Variants in MAT2B observed in about 807,000 individuals in gnomAD.
The protein encoded by MAT2B is methionine adenosyltransferase 2 non-catalytic beta subunit.
Under a neutral mutation model 36.1 loss-of-function variants are expected in MAT2B, and 16 were observed. The ratio of observed to expected loss-of-function variants is 0.44; its 90% CI spans 0.30 to 0.67. The LOEUF (loss-of-function observed/expected upper bound fraction) is 0.67. Among genes scored for constraint, MAT2B ranks in the 30% least tolerant of loss-of-function variants. MAT2B has a pLI of 0.09. For missense variants in MAT2B, 332 were observed against 398.2 expected (o/e 0.83, Z 1.42); for synonymous variants, 148 against 136.9 (o/e 1.08, Z -0.57).
At chr5:163,515,463 CTTTT>C (rs985364103) in intron 4 of MAT2B, among the ~76,000 whole-genome samples, 2 of 152,100 alleles carry the variant, frequency 1.3e-5, no homozygotes, top group Admixed American at 1.3e-4. Flanking sequence ...CTTTACCTTT[CTTTT>C]ATCTTCTAAC....
intron 1 of MAT2B, among the ~76,000 whole-genome samples, chr5:163,506,426 C>T (rs2113548803): frequency 6.6e-6 from 1 of 152,184 alleles, no homozygotes; most frequent in East Asian, 1.9e-4. Context: ...ATTGGAAGAT[C>T]CATCTCTGGT....
chr5:163,505,630 C>A lies in MAT2B; in HGVS notation c.-57C>A. ...AGGGCGTCTGAGCTGAGGCCCGCGT[C>A]GATCCTGGGTTGGAGGAGGTGGCGG... is the stretch of plus-strand genomic sequence containing the variant. On this transcript the variant is annotated 5_prime_UTR_variant, in exon 1 of 7. Coordinates refer to ENST00000321757, the MANE Select transcript of MAT2B (RefSeq NM_013283.5). 1 of 1,252,682 alleles carries A rather than the reference C, an allele frequency of 8.0e-7. No individual in the cohort carries two copies. Among genetic ancestry groups the A allele is most frequent in the Non-Finnish European group, 1.0e-6 (1 of 990,254 alleles). The allele number at this position is 1,252,682 out of a possible 1,614,324, so 77.6% of individuals were successfully genotyped here. A position where few individuals can be genotyped will look rare whatever the true frequency, so the allele number is the denominator to read the frequency against.
chr5:163,517,904 A>G, intron 6 of MAT2B: 1 of 486,788 alleles, frequency 2.1e-6, no homozygotes, highest in Non-Finnish European at 3.6e-6. Flanking sequence ...TTATTTTTCC[A>G]GGGATGATCA....
chr5:163,507,620 C>A (rs1215871088), intron 1 of MAT2B, among the ~76,000 whole-genome samples: 1 of 152,190 alleles, frequency 6.6e-6, no homozygotes, highest in Non-Finnish European at 1.5e-5. Context: ...TTTATTCTTT[C>A]ATTCTGACTT....
upstream of MAT2B, chr5:163,503,338 A>T (rs1759878034): frequency 1.9e-6 from 3 of 1,554,204 alleles, no homozygotes; most frequent in Admixed American, 3.4e-5. Context: ...ACCCAGCAAG[A>T]GAAGGCAGAG....
At chr5:163,503,416 A>T, upstream of MAT2B, 1 of 1,614,024 alleles carries the variant, frequency 6.2e-7, no homozygotes, top group Non-Finnish European at 8.5e-7. Flanking sequence ...GCCAGAGGAC[A>T]TGGAGCAGGT....
At chr5:163,506,437 G>GC (rs1001349065) in intron 1 of MAT2B, among the ~76,000 whole-genome samples, 1 of 152,026 alleles carries the variant, frequency 6.6e-6, no homozygotes, top group Non-Finnish European at 1.5e-5. Context: ...CATCTCTGGT[G>GC]CCCCCCTCGC....
At chr5:163,511,928 AC>A in intron 1 of MAT2B, 73 bp from the exon 2 acceptor site, 1 of 1,092,264 alleles carries the variant, frequency 9.2e-7, no homozygotes, top group South Asian at 1.5e-5. Flanking sequence ...TTAGGGAACA[AC>A]GATGGTGCCT....
rs1760171412 is a variant in MAT2B at position 163,518,616 on chromosome 5, GA to G, written c.*254del. On this transcript the variant is annotated 3_prime_UTR_variant, in exon 7 of 7. Transcript: ENST00000321757. ...TTGGAGTTTGAGTATAGTAAATTAT[GA>G]TCCTTAAATATTTGAGAGTCAGGAT... The G allele has an allele frequency of 2.1e-5, 6 of 283,380 alleles. No homozygotes were observed. The South Asian group carries it at 6.0e-4, about 29-fold the overall frequency. 17.6% of individuals were successfully genotyped at this position (283,380 alleles called of 1,614,324 possible).
upstream of MAT2B, chr5:163,503,195 A>G (rs919333877): frequency 1.5e-5 from 8 of 527,290 alleles, no homozygotes; most frequent in Admixed American, 3.6e-5. Context: ...GGAATCAGCT[A>G]CCAGCTTACT....
In MAT2B at chr5:163,513,894, A is replaced by G. The variant is rs1376225453; in HGVS notation, c.426A>G (p.Gly142=). ...TTAGCTCAGATTATGTATTTGATGG[A>G]ACAAATCCACCTTACAGAGAGGAAG... is the stretch of plus-strand genomic sequence containing the variant. ...IYISSDYVFD[G]TNPPYREEDI... The change falls in exon 4 of 7, where the codon GGA becomes GGG. Residue 142 remains glycine, a synonymous_variant. Coordinates refer to ENST00000321757, the MANE Select transcript of MAT2B (RefSeq NM_013283.5). The G allele has an allele frequency of 5.6e-6, 9 of 1,613,136 alleles. No homozygotes were observed. Among genetic ancestry groups the G allele is most frequent in the African/African-American group, 5.3e-5 (4 of 74,860 alleles).
intron 4 of MAT2B, among the ~76,000 whole-genome samples, chr5:163,515,442 A>T (rs1289151056): frequency 6.6e-6 from 1 of 152,288 alleles, no homozygotes; most frequent in Non-Finnish European, 1.5e-5. Context: ...GTTGAATTTC[A>T]TCTCCAAATA....
chr5:163,512,394 A>G (rs1561657046), intron 2 of MAT2B, 198 bp downstream of exon 2: 3 of 591,898 alleles, frequency 5.1e-6, no homozygotes, highest in Non-Finnish European at 9.0e-6. Context: ...GACAAAGACA[A>G]ATATGAGACA....
intron 5 of MAT2B, chr5:163,517,091 T>A (rs1250685331): frequency 6.7e-6 from 2 of 298,004 alleles, no homozygotes; most frequent in Non-Finnish European, 1.2e-5. Flanking sequence ...CAAAGAAAGA[T>A]GAGACTGATT....
intron 1 of MAT2B, among the ~76,000 whole-genome samples, chr5:163,507,350 C>A (rs755399616): frequency 6.4e-4 from 97 of 152,078 alleles, no homozygotes; most frequent in Non-Finnish European, 1.2e-3. Context: ...TGGTATCATT[C>A]GATTAGATAC....
chr5:163,513,601 T>C lies in MAT2B; in HGVS notation c.305T>C (p.Val102Ala). Residue 102 changes from valine (V) to alanine (A), a missense_variant, in exon 3 of 7, where the codon GTA becomes GCA. Val to Ala is a moderately conservative substitution (Grantham distance 64). Coordinates refer to ENST00000321757, the MANE Select transcript of MAT2B (RefSeq NM_013283.5). ...GCAGCAGAGAGAAGACCAGATGTTG[T>C]AGAAAATCAGCCAGATGCTGCCTCT... ...HCAAERRPDV[V>A]ENQPDAASQL... 6.2e-7 allele frequency: 1 copy of C among 1,613,942 alleles called. No individual in the cohort carries two copies. Among genetic ancestry groups the C allele is most frequent in the Non-Finnish European group, 8.5e-7 (1 of 1,179,850 alleles).
At position 163,516,704 on chromosome 5, in the gene MAT2B, G is replaced by C. The variant is rs761361206; in HGVS notation, c.713G>C (p.Arg238Thr). 8 of 1,614,142 alleles carry C rather than the reference G, an allele frequency of 5.0e-6. No homozygotes were observed. In the South Asian group the frequency reaches 8.8e-5, roughly 18 times the overall value. ...GTGTGCCGGCAGCTAGCAGAGAAGA[G>C]AATGCTGGTAAGAAGGATTCCTGAG... The part of the protein sequence containing the change: ...ATVCRQLAEK[R>T]MLDPSIKGTF... Residue 238 changes from arginine (R) to threonine (T), a missense_variant, in exon 5 of 7, where the codon AGA becomes ACA. Physicochemically the swap from Arg to Thr is moderately conservative, Grantham distance 71. Transcript: ENST00000321757.
upstream of MAT2B, chr5:163,503,530 G>A (rs970760758): frequency 1.2e-5 from 12 of 1,033,774 alleles, no homozygotes; most frequent in African/African-American, 1.7e-4. Context: ...AAAGAAAATA[G>A]AAACGGGTGT....
At chr5:163,504,357 A>G (rs1164126740), upstream of MAT2B, among the ~76,000 whole-genome samples, 1 of 151,882 alleles carries the variant, frequency 6.6e-6, no homozygotes, top group African/African-American at 2.4e-5. Flanking sequence ...AACATAAGAA[A>G]CCTCAGGCTG....
Sources: allele counts gnomAD v4.1 joint callset (sites outside exome capture counted in the v4.1 genomes callset), GRCh38; gene constraint gnomAD v4.1.1; transcripts MANE v1.5; gene names NCBI Gene and HGNC (gene_info 2026-07-23, HGNC 2026-07-21).